Variants in SIM1 observed in about 807,000 individuals in gnomAD.
The protein encoded by SIM1 is SIM bHLH transcription factor 1.
Under a neutral mutation model 78.2 loss-of-function variants are expected in SIM1, and 18 were observed. The ratio of observed to expected loss-of-function variants is 0.23; its 90% CI spans 0.16 to 0.34. The LOEUF is 0.34. Among genes scored for constraint, SIM1 ranks in the 10% least tolerant of loss-of-function variants. The pLI is 1.00. For synonymous variants in SIM1, 417 were observed against 385.2 expected (o/e 1.08, Z -0.97); for missense variants, 939 against 975.1 (o/e 0.96, Z 0.49).
intron 10 of SIM1, among the ~76,000 whole-genome samples, chr6:100,399,908 G>A (rs1490486889): frequency 6.6e-6 from 1 of 151,822 alleles, no homozygotes; most frequent in Non-Finnish European, 1.5e-5. Context: ...AAAGGGAAAG[G>A]CAAACATAAA....
chr6:100,411,957 C>A (rs954121122), intron 10 of SIM1, among the ~76,000 whole-genome samples: 4 of 152,076 alleles, frequency 2.6e-5, no homozygotes, highest in African/African-American at 7.2e-5. Flanking sequence ...GGCCAGTCTA[C>A]CTAGATCACA....
At chr6:100,457,289 A>T (rs868084094) in intron 2 of SIM1, among the ~76,000 whole-genome samples, 2 of 152,216 alleles carry the variant, frequency 1.3e-5, no homozygotes, top group African/African-American at 2.4e-5. Flanking sequence ...CCTTCCCGGG[A>T]ACCTTCACCT....
chr6:100,422,113 T>C (rs1415143641), intron 9 of SIM1, among the ~76,000 whole-genome samples: 2 of 152,238 alleles, frequency 1.3e-5, no homozygotes, highest in East Asian at 3.8e-4. Context: ...TTTTTCTTAT[T>C]TTTCACTTTC....
chr6:100,401,551 C>T (rs994944028), intron 10 of SIM1, among the ~76,000 whole-genome samples: 1 of 151,682 alleles, frequency 6.6e-6, no homozygotes, highest in Non-Finnish European at 1.5e-5. Context: ...ACATATGTAA[C>T]CTACTCTAAA....
intron 9 of SIM1, among the ~76,000 whole-genome samples, chr6:100,428,886 T>C (rs564043616): frequency 6.6e-6 from 1 of 152,320 alleles, no homozygotes; most frequent in East Asian, 1.9e-4. Context: ...ATGCTGTAAT[T>C]GCATGTAAAC....
chr6:100,463,060 C>T (rs1193194935), intron 2 of SIM1: 3 of 441,168 alleles, frequency 6.8e-6, no homozygotes, highest in Non-Finnish European at 1.2e-5. Context: ...CCCAACCAAA[C>T]ATATCTGATG....
chr6:100,414,715 C>T (rs372804038), intron 10 of SIM1, among the ~76,000 whole-genome samples: 4 of 152,184 alleles, frequency 2.6e-5, no homozygotes, highest in South Asian at 4.1e-4. Flanking sequence ...ATAGCTATAC[C>T]AATAGAAGTG....
Position 100,388,620 on chromosome 6 carries a change from G to A in SIM1, c.*1741C>T, listed in dbSNP as rs553715353. 1.4e-4 allele frequency: 21 copies of A among 152,204 alleles called. No individual in the cohort carries two copies. Among genetic ancestry groups the A allele is most frequent in the African/African-American group, 5.1e-4 (21 of 41,524 alleles). 9.4% of individuals were successfully genotyped at this position (152,204 alleles called of 1,614,324 possible). On this transcript the variant is annotated 3_prime_UTR_variant, in exon 12 of 12. Coordinates refer to ENST00000369208, the MANE Select transcript of SIM1 (RefSeq NM_005068.3). Reference sequence around the variant, plus strand: ...CTGTGAAATAACTGTGTTAAATGATGAAAATATACTACTAATCCCTGAGTA... The same window carrying A: ...CTGTGAAATAACTGTGTTAAATGATAAAAATATACTACTAATCCCTGAGTA...
chr6:100,424,289 A>G (rs1771668259), intron 9 of SIM1, among the ~76,000 whole-genome samples: 1 of 152,144 alleles, frequency 6.6e-6, no homozygotes, highest in Non-Finnish European at 1.5e-5. Context: ...GTACACATTA[A>G]AAATACAAAA....
rs1255075848 is a variant in SIM1 at position 100,385,667 on chromosome 6, TTATGTG to T, written c.*4688_*4693del. The T allele has an allele frequency of 4.6e-4, 30 of 64,730 alleles. No individual in the cohort carries two copies. Among genetic ancestry groups the T allele is most frequent in the African/African-American group, 1.7e-3 (29 of 17,054 alleles). 4.0% of individuals were successfully genotyped at this position (64,730 alleles called of 1,614,324 possible). ...CTTATGTGAACCATCATTTATTTAT[TTATGTG>T]TGTGTGTGTGTGTGTGTGTGTGTGT... On this transcript the variant is annotated 3_prime_UTR_variant, in exon 12 of 12. Coordinates refer to ENST00000369208, the MANE Select transcript of SIM1 (RefSeq NM_005068.3).
rs1388435784 is a variant in SIM1 at position 100,389,768 on chromosome 6, T to C, written c.*593A>G. The C allele has an allele frequency of 5.0e-6, 2 of 399,044 alleles. No individual in the cohort carries two copies. The highest frequency in any genetic ancestry group is 8.8e-6 in the Non-Finnish European group (2 of 226,180). The allele number at this position is 399,044 out of a possible 1,614,324, so 24.7% of individuals were successfully genotyped here. A position where few individuals can be genotyped will look rare whatever the true frequency, so the allele number is the denominator to read the frequency against. ...CAGGTGAAAACTCATTTTTGCACCA[T>C]ATCCAGAACCATTTCTCTAATTTAT... On this transcript the variant is annotated 3_prime_UTR_variant, in exon 12 of 12. Coordinates refer to ENST00000369208, the MANE Select transcript of SIM1 (RefSeq NM_005068.3).
At chr6:100,412,620 GAAGGAAAGAAAGAAAGAAAAGAAA>G (rs1771244145) in intron 10 of SIM1, among the ~76,000 whole-genome samples, 7 of 86,712 alleles carry the variant, frequency 8.1e-5, no homozygotes, top group African/African-American at 2.8e-4. Context: ...AGGAAAGAAA[GAAGGAAAGAAAGAAAGAAAAGAAA>G]GAAAGAAAGA....
chr6:100,414,822 A>G (rs969144949), intron 10 of SIM1, among the ~76,000 whole-genome samples: 2 of 152,244 alleles, frequency 1.3e-5, no homozygotes, highest in Non-Finnish European at 2.9e-5. Context: ...TCACTGGTAT[A>G]TTTTTGAGAC....
intron 9 of SIM1, among the ~76,000 whole-genome samples, chr6:100,442,239 T>C (rs898407585): frequency 1.6e-4 from 25 of 152,168 alleles, no homozygotes; most frequent in African/African-American, 6.0e-4. Flanking sequence ...TTTGATAAAA[T>C]ACAATAATAA....
At chr6:100,459,952 A>C (rs1213821440) in intron 2 of SIM1, among the ~76,000 whole-genome samples, 1 of 152,224 alleles carries the variant, frequency 6.6e-6, no homozygotes, top group Non-Finnish European at 1.5e-5. Context: ...ATAATACCAA[A>C]GATTTATACA....
In SIM1 at chr6:100,389,707, A is replaced by G. The variant is rs1770588371; in HGVS notation, c.*654T>C. The G allele has an allele frequency of 2.5e-6, 1 of 399,024 alleles. No homozygotes were observed. Among genetic ancestry groups the G allele is most frequent in the African/African-American group, 2.1e-5 (1 of 48,764 alleles). 24.7% of individuals were successfully genotyped at this position (399,024 alleles called of 1,614,324 possible). A position where few individuals can be genotyped will look rare whatever the true frequency, so the allele number is the denominator to read the frequency against. ...CCTTGTCTAACTGAAAAGCAAGGTG[A>G]AAAATTACCTCTTCCTGATTGTTTA... On this transcript the variant is annotated 3_prime_UTR_variant, in exon 12 of 12. Coordinates refer to ENST00000369208, the MANE Select transcript of SIM1 (RefSeq NM_005068.3).
chr6:100,412,731 GAAAGAAAGAAAGAAAGAAAGAAAAAAGA>G (rs1562240136), intron 10 of SIM1, among the ~76,000 whole-genome samples: 5 of 137,248 alleles, frequency 3.6e-5, no homozygotes, highest in African/African-American at 8.8e-5. Flanking sequence ...AAGAAAGAAA[GAAAGAAAGAAAGAAAGAAAGAAAAAAGA>G]AAAGAAAAAG....
rs1344690064 is a variant in SIM1, at chr6:100,402,545, A to T, written c.1168-8656T>A. Among the ~76,000 whole-genome samples the T allele has an allele frequency of 3.9e-5, 5 of 129,214 alleles. No individual in the cohort carries two copies. In the East Asian group the frequency reaches 1.5e-3, roughly 38 times the overall value. The allele number at this position is 129,214 out of a possible 152,430, so 84.8% of individuals were successfully genotyped here. ...GTTCTCCTAGCCTTTCTTGGTATTG[A>T]CATTATTTTCTTTTCTTTTCTCTTT... On this transcript the variant is annotated intron_variant, in intron 10 of 11. Transcript: ENST00000369208.
intron 3 of SIM1, among the ~76,000 whole-genome samples, chr6:100,451,419 A>G (rs1210901888): frequency 6.6e-6 from 1 of 152,240 alleles, no homozygotes; most frequent in Non-Finnish European, 1.5e-5. Flanking sequence ...TAAACCTGCA[A>G]TAGATTTTGG....
Sources: gnomAD v4.1 joint callset for allele counts (sites outside exome capture counted in the v4.1 genomes callset) on GRCh38, gnomAD v4.1.1 for gene constraint, MANE v1.5 for transcripts, NCBI Gene and HGNC (gene_info 2026-07-23, HGNC 2026-07-21) for gene names.